The following SDK1 variants were observed in gnomAD, a reference collection of about 807,000 sequenced individuals.
SDK1 encodes the protein sidekick cell adhesion molecule 1.
Under a neutral mutation model 245.5 loss-of-function variants are expected in SDK1, and 157 were observed. The observed-to-expected ratio is 0.64, with a 90% CI of 0.56 to 0.73. The LOEUF (loss-of-function observed/expected upper bound fraction) is 0.73, where lower values mean the gene tolerates loss of function less well. Ranked by LOEUF, SDK1 falls within the 30% of genes least tolerant of loss-of-function variation. SDK1 has a pLI of 0.00. For missense variants in SDK1, 3,583 were observed against 3,002.3 expected (o/e 1.19, Z -4.52); for synonymous variants, 1,647 against 1,278.5 (o/e 1.29, Z -6.15).
At chr7:3,699,026 T>C (rs765530930) in intron 4 of SDK1, among the ~76,000 whole-genome samples, 2 of 152,054 alleles carry the variant, frequency 1.3e-5, no homozygotes, top group Non-Finnish European at 2.9e-5. Flanking sequence ...AGGAATCAAC[T>C]TCCCACTCCC....
chr7:4,017,443 C>T, intron 17 of SDK1, 91 bp downstream of exon 17: 1 of 1,125,588 alleles, frequency 8.9e-7, no homozygotes, highest in Non-Finnish European at 1.3e-6. Flanking sequence ...GAAAGAAAAA[C>T]AGAGAATCCA....
chr7:3,406,694 T>TA (rs1341991682), intron 1 of SDK1, among the ~76,000 whole-genome samples: 2 of 152,110 alleles, frequency 1.3e-5, no homozygotes, highest in African/African-American at 4.8e-5. Flanking sequence ...GAGGGGATGT[T>TA]TAGGGGAAAA....
At chr7:3,706,504 C>G (rs554677113) in intron 4 of SDK1, among the ~76,000 whole-genome samples, 1 of 152,280 alleles carries the variant, frequency 6.6e-6, no homozygotes, top group East Asian at 1.9e-4. Flanking sequence ...TGGGTTCACA[C>G]CATTCTCCTG....
At chr7:4,054,286 A>T (rs988631900) in intron 19 of SDK1, among the ~76,000 whole-genome samples, 1 of 152,202 alleles carries the variant, frequency 6.6e-6, no homozygotes, top group African/African-American at 2.4e-5. Flanking sequence ...TTCATATGCA[A>T]TTATATGAAA....
chr7:3,939,187 C>T (rs1455445898), intron 5 of SDK1, among the ~76,000 whole-genome samples: 1 of 152,198 alleles, frequency 6.6e-6, no homozygotes, highest in Non-Finnish European at 1.5e-5. Context: ...GGGATTAGAT[C>T]TTTTGGGGTT....
chr7:3,682,113 T>C (rs1002625670), intron 4 of SDK1, among the ~76,000 whole-genome samples: 1 of 152,224 alleles, frequency 6.6e-6, no homozygotes, highest in Non-Finnish European at 1.5e-5. Flanking sequence ...CAGTGAAGAT[T>C]ATGATGCTAA....
At chr7:3,920,946 C>A (rs756801448) in intron 5 of SDK1, among the ~76,000 whole-genome samples, 2 of 152,128 alleles carry the variant, frequency 1.3e-5, no homozygotes, top group African/African-American at 2.4e-5. Context: ...TGATTAAATA[C>A]CACCCCTGCC....
At chr7:4,137,533 C>T (rs1199740957) in intron 28 of SDK1, among the ~76,000 whole-genome samples, 1 of 152,168 alleles carries the variant, frequency 6.6e-6, no homozygotes, top group Non-Finnish European at 1.5e-5. Context: ...TGTGCAGTGC[C>T]ACCTCCGTCT....
intron 42 of SDK1, among the ~76,000 whole-genome samples, chr7:4,239,297 G>C (rs943797227): frequency 6.6e-6 from 1 of 152,232 alleles, no homozygotes; most frequent in African/African-American, 2.4e-5. Context: ...CTGCTTGCCT[G>C]TTGGTGGAGA....
At chr7:4,246,503 T>A (rs1786870197) in intron 44 of SDK1, among the ~76,000 whole-genome samples, 1 of 152,158 alleles carries the variant, frequency 6.6e-6, no homozygotes, top group Non-Finnish European at 1.5e-5. Flanking sequence ...GGTCTGATCC[T>A]GCAGGGCGGA....
chr7:4,132,546 A>AC (rs1370797749), intron 28 of SDK1, 123 bp downstream of exon 28: 2 of 636,442 alleles, frequency 3.1e-6, no homozygotes, highest in Non-Finnish European at 5.7e-6. Flanking sequence ...ACATTGTGAG[A>AC]CCCCATCTCT....
intron 1 of SDK1, among the ~76,000 whole-genome samples, chr7:3,356,285 A>G (rs967363639): frequency 6.6e-6 from 1 of 152,138 alleles, no homozygotes; most frequent in Non-Finnish European, 1.5e-5. Context: ...AAATATAACA[A>G]AGTGCATAAA....
At chr7:3,646,208 G>T (rs956056571) in intron 4 of SDK1, among the ~76,000 whole-genome samples, 1 of 152,060 alleles carries the variant, frequency 6.6e-6, no homozygotes, top group Non-Finnish European at 1.5e-5. Context: ...CCTAATACGT[G>T]CACCTTTGTC....
At chr7:3,677,010 C>G (rs1783923253) in intron 4 of SDK1, among the ~76,000 whole-genome samples, 3 of 152,164 alleles carry the variant, frequency 2.0e-5, no homozygotes, top group African/African-American at 7.2e-5. Flanking sequence ...CCTGGACATA[C>G]CAAGGATTCC....
At chr7:3,640,979 G>A (rs2128651795) in intron 3 of SDK1, among the ~76,000 whole-genome samples, 1 of 152,022 alleles carries the variant, frequency 6.6e-6, no homozygotes, top group Non-Finnish European at 1.5e-5. Flanking sequence ...ACTGTGCTCT[G>A]CGTTTAGATT....
rs1244597828 is a variant in SDK1, at chr7:4,266,257, A to T, written c.*873A>T. ...GTGCATTGTTAACCAGAGTATTTTT[A>T]AAATCTTTTTATCTTTTTTTAAACT... On this transcript the variant is annotated 3_prime_UTR_variant, in exon 45 of 45. Coordinates refer to ENST00000404826, the MANE Select transcript of SDK1 (RefSeq NM_152744.4). 1.3e-5 allele frequency: 13 copies of T among 985,358 alleles called. No individual in the cohort carries two copies. The highest frequency in any genetic ancestry group is 1.4e-5 in the Non-Finnish European group (12 of 829,860). The allele number at this position is 985,358 out of a possible 1,614,324, so 61.0% of individuals were successfully genotyped here. A position where few individuals can be genotyped will look rare whatever the true frequency, so the allele number is the denominator to read the frequency against.
chr7:3,923,035 C>G (rs1242782037), intron 5 of SDK1, among the ~76,000 whole-genome samples: 5 of 152,192 alleles, frequency 3.3e-5, no homozygotes, highest in Admixed American at 2.0e-4. Flanking sequence ...CCAGTCTGTT[C>G]TTTCGAGCTT....
intron 1 of SDK1, among the ~76,000 whole-genome samples, chr7:3,498,219 A>G (rs1339673356): frequency 2.0e-5 from 3 of 152,210 alleles, no homozygotes. Flanking sequence ...GAAAAAAGTC[A>G]ACTTTTATGA....
rs1247658357 is a variant in SDK1 at position 4,233,477 on chromosome 7, C to T, written c.5992+58C>T. On this transcript the variant is annotated intron_variant, in intron 41 of 44. Transcript: ENST00000404826. ...GGAGGACTAGAGGGAGAAATGGGGTCGAGGGGGACCCAGGGAGGTCTGTCT... is the reference window on the plus strand; with the variant it reads ...GGAGGACTAGAGGGAGAAATGGGGTTGAGGGGGACCCAGGGAGGTCTGTCT... 26 of 1,466,392 alleles carry T rather than the reference C, an allele frequency of 1.8e-5. No individual in the cohort carries two copies. In the Admixed American group the frequency reaches 2.0e-4, roughly 11 times the overall value. 90.8% of individuals were successfully genotyped at this position (1,466,392 alleles called of 1,614,324 possible).
Sources: gnomAD v4.1 joint callset for allele counts (sites outside exome capture counted in the v4.1 genomes callset) on GRCh38, gnomAD v4.1.1 for gene constraint, MANE v1.5 for transcripts, NCBI Gene and HGNC (gene_info 2026-07-23, HGNC 2026-07-21) for gene names.